Variants in HYI observed in about 807,000 individuals in gnomAD.
HYI encodes the protein hydroxypyruvate isomerase (putative).
HYI carries 47 observed loss-of-function variants against 39.7 expected under a neutral mutation model. That is an observed-to-expected ratio of 1.18 (90% CI 0.94 to 1.51). The LOEUF (loss-of-function observed/expected upper bound fraction) is 1.51, where lower values mean the gene tolerates loss of function less well. Ranked by LOEUF, HYI falls within the 40% of genes most tolerant of loss-of-function variation. The probability of loss-of-function intolerance (pLI) is 0.00; values close to 1 mark genes in which losing one functional copy is unlikely to be tolerated. For missense variants in HYI, 465 were observed against 370.3 expected, an observed-to-expected ratio of 1.26 and a Z score of -2.10; for synonymous variants, 186 against 158.8, an observed-to-expected ratio of 1.17 and a Z score of -1.29.
At chr1:43,451,627 G>A (rs369456885) in intron 6 of HYI, 21 bp downstream of exon 6, 118 of 1,613,950 alleles carry the variant, frequency 7.3e-5, no homozygotes, top group Middle Eastern at 1.6e-4. Flanking sequence ...AGGGTGGGAG[G>A]GCAAAGGAAG....
At position 43,453,375 on chromosome 1, in the gene HYI, G is replaced by A. The variant is rs1458794344; in HGVS notation, c.311+11C>T. 3 of 1,485,466 alleles carry A rather than the reference G, an allele frequency of 2.0e-6. No homozygotes were observed. The highest frequency in any genetic ancestry group is 2.7e-6 in the Non-Finnish European group (3 of 1,092,446). 92.0% of individuals were successfully genotyped at this position (1,485,466 alleles called of 1,614,324 possible). A position where few individuals can be genotyped will look rare whatever the true frequency, so the allele number is the denominator to read the frequency against. On this transcript the variant is annotated intron_variant, in intron 2 of 7. Transcript: ENST00000372430. The stretch of plus-strand genomic sequence containing the variant: ...GGGTCACAGGGGTGGGGGTGGGGTG[G>A]AGCGGGGTACCTGGGACAGCCCAGG...
downstream of HYI, chr1:43,450,740 T>A: frequency 1.4e-6 from 1 of 701,458 alleles, no homozygotes. The surrounding 1 kb of genome is among the most constrained non-coding windows in gnomAD (Gnocchi z 4.3). Context: ...CTTGGGCCCT[T>A]CTGGGGTACT....
At position 43,453,757 on chromosome 1, in the gene HYI, G is replaced by A. The variant is rs374100616; in HGVS notation, c.37C>T (p.Leu13=). ...PLRFSANLSW[L]FPELSGLPAR... ...GGGAGGCCGGAGAGCTCGGGGAATA[G>A]CCAGGACAGATTGGCGGAGAAGCGC... Residue 13 remains leucine, a synonymous_variant, in exon 1 of 8, where the codon CTA becomes TTA. Transcript: ENST00000372430. 1.5e-6 allele frequency: 2 copies of A among 1,324,410 alleles called. No individual in the cohort carries two copies. Among genetic ancestry groups the A allele is most frequent in the Non-Finnish European group, 1.9e-6 (2 of 1,044,280 alleles). The allele number at this position is 1,324,410 out of a possible 1,614,324, so 82.0% of individuals were successfully genotyped here. A position where few individuals can be genotyped will look rare whatever the true frequency, so the allele number is the denominator to read the frequency against.
In HYI at chr1:43,452,316, G is replaced by A. The variant is rs1191573722; in HGVS notation, c.315C>T (p.Ile105=). 6.2e-7 allele frequency: 1 copy of A among 1,612,960 alleles called. No homozygotes were observed. The change falls in exon 3 of 8, where the codon ATC becomes ATT. Residue 105 remains isoleucine, a synonymous_variant. Transcript: ENST00000372430. ...RYAKALGCPR[I]HLMAGRVPQG... is the part of the protein sequence containing the mutation. Reference sequence around the variant, plus strand: ...GGGGTACTCGGCCAGCCATCAGGTGGATCCTGTGGGGAAGATGGACTGGAG... The same window carrying A: ...GGGGTACTCGGCCAGCCATCAGGTGAATCCTGTGGGGAAGATGGACTGGAG...
chr1:43,453,537 C>G, intron 1 of HYI, 40 bp from the exon 2 acceptor site: 4 of 1,524,000 alleles, frequency 2.6e-6, no homozygotes, highest in Middle Eastern at 1.7e-4. Context: ...CTCGGACACT[C>G]CCCTGCCCGC....
rs1445182002 is a variant in HYI at position 43,451,508 on chromosome 1, T to TC, written c.661dup (p.Glu221GlyfsTer20). On this transcript the variant is annotated frameshift_variant, in exon 7 of 8. Coordinates refer to ENST00000372430, the MANE Select transcript of HYI (RefSeq NM_001190880.3). LOFTEE classifies it high-confidence loss of function. ...ATTCAGCTCTCCGGGGCTGCTGGGC[T>TC]CCCCTCGGCCTGGGACCTGTGCCAC... The TC allele has an allele frequency of 6.2e-7, 1 of 1,614,036 alleles. No homozygotes were observed.
intron 2 of HYI, chr1:43,452,553 C>G (rs1656560145): frequency 1.6e-6 from 1 of 629,722 alleles, no homozygotes; most frequent in African/African-American, 1.8e-5. Flanking sequence ...CCAGTACTTT[C>G]CAAAACCTTT....
intron 4 of HYI, 33 bp from the exon 5 acceptor site, chr1:43,451,880 C>T: frequency 6.2e-6 from 10 of 1,614,052 alleles, no homozygotes; most frequent in Non-Finnish European, 8.5e-6. Flanking sequence ...GACCGTGAGC[C>T]TCAAGAGCAC....
Position 43,451,342 on chromosome 1 carries a change from G to C in HYI, c.761-31C>G, listed in dbSNP as rs1336243241. On this transcript the variant is annotated intron_variant, in intron 7 of 7. Transcript: ENST00000372430. ...GGGAGAGGGAGGCCTCGGCACCTCA[G>C]CCCACAAGGAGAAAACAGCCCCTGT... 6 of 1,612,842 alleles carry C rather than the reference G, an allele frequency of 3.7e-6. No homozygotes were observed. In the Admixed American group the frequency reaches 5.0e-5, roughly 13 times the overall value.
rs1656517653 is a variant in HYI, at chr1:43,452,237, T to A, written c.394A>T (p.Asn132Tyr). 1 of 1,613,902 alleles carries A rather than the reference T, an allele frequency of 6.2e-7. No homozygotes were observed. The highest frequency in any genetic ancestry group is 8.5e-7 in the Non-Finnish European group (1 of 1,179,912). Reference protein sequence around the residue: ...KAEMEAVFLENLRHAAGVLAQ... With the variant: ...KAEMEAVFLEYLRHAAGVLAQ... ...AAAACCCCAGCTGCATGCCTCAGGT[T>A]CTCCAGAAAAACGGCCTCCATCTCA... Residue 132 changes from asparagine (N) to tyrosine (Y), a missense_variant, in exon 3 of 8, where the codon AAC becomes TAC. Coordinates refer to ENST00000372430, the MANE Select transcript of HYI (RefSeq NM_001190880.3).
rs1479111098 is a variant in HYI at position 43,453,788 on chromosome 1, C to A, written c.6G>T (p.Ala2=). 1.6e-6 allele frequency: 2 copies of A among 1,280,148 alleles called. No individual in the cohort carries two copies. Among genetic ancestry groups the A allele is most frequent in the Non-Finnish European group, 2.0e-6 (2 of 1,016,572 alleles). 79.3% of individuals were successfully genotyped at this position (1,280,148 alleles called of 1,614,324 possible). M[A]PLRFSANLSW... ...ACAGATTGGCGGAGAAGCGCAGCGG[C>A]GCCATGCCTGGGGAGGCCGGGCCGG... The change falls in exon 1 of 8, where the codon GCG becomes GCT. Residue 2 remains alanine (A), a synonymous_variant. Transcript: ENST00000372430.
rs759113002 is a variant in HYI, at chr1:43,451,762, C to T, written c.555+36G>A. The T allele has an allele frequency of 2.5e-6, 4 of 1,613,958 alleles. No homozygotes were observed. The African/African-American group carries it at 4.0e-5, about 16-fold the overall frequency. ...ATTCCGAGACCCCGCAGGCCCCGCC[C>T]TCCTTCCGATCTGCGAAGTACCCCC... is the stretch of plus-strand genomic sequence containing the variant. On this transcript the variant is annotated intron_variant, in intron 5 of 7. Transcript: ENST00000372430.
chr1:43,451,274 G>A lies in HYI; in HGVS notation c.798C>T (p.Tyr266=), dbSNP rs769300467. The A allele has an allele frequency of 1.2e-6, 2 of 1,614,090 alleles. No individual in the cohort carries two copies. The highest frequency in any genetic ancestry group is 2.2e-5 in the South Asian group (2 of 91,084). Reference sequence around the variant, plus strand: ...CCTCTGGGTGGCCCCGCCTATCCCAGTATGAACGTAGCCAACTCAAGCCCT... The same window carrying A: ...CCTCTGGGTGGCCCCGCCTATCCCAATATGAACGTAGCCAACTCAAGCCCT... ...TVEGLSWLRS[Y]WDRRGHPEAG... The change falls in exon 8 of 8, where the codon TAC becomes TAT. Residue 266 remains tyrosine (Y), a synonymous_variant. Transcript: ENST00000372430.
rs112102534 is a variant in HYI at position 43,453,696 on chromosome 1, T to A, written c.98A>T (p.Glu33Val). 1.4e-6 allele frequency: 2 copies of A among 1,437,868 alleles called. No homozygotes were observed. The highest frequency in any genetic ancestry group is 1.8e-6 in the Non-Finnish European group (2 of 1,105,620). 89.1% of individuals were successfully genotyped at this position (1,437,868 alleles called of 1,614,324 possible). The change falls in exon 1 of 8, where the codon GAG becomes GTG. Residue 33 changes from glutamate (E) to valine (V), a missense_variant. Glu to Val is a moderately radical substitution (Grantham distance 121). Transcript: ENST00000372430. ...RVRAAGSSGFEAVEVAWPYAE... is the reference protein window; with the variant it reads ...RVRAAGSSGFVAVEVAWPYAE... Reference sequence around the variant, plus strand: ...GTACGGCCAGGCCACCTCGACGGCCTCGAAGCCCGAGCTGCCCGCGGCCCG... The same window carrying A: ...GTACGGCCAGGCCACCTCGACGGCCACGAAGCCCGAGCTGCCCGCGGCCCG...
chr1:43,453,066 G>A (rs1656615361), intron 2 of HYI: 1 of 991,628 alleles, frequency 1.0e-6, no homozygotes. Context: ...ACAGGGTTAG[G>A]TGCCTACCCT....
intron 3 of HYI, 57 bp from the exon 4 acceptor site, chr1:43,452,070 G>T: frequency 6.4e-7 from 1 of 1,555,308 alleles, no homozygotes; most frequent in Non-Finnish European, 8.8e-7. Flanking sequence ...TCCCCCATCA[G>T]TCAGTCACTG....
intron 2 of HYI, chr1:43,453,069 C>G: frequency 1.0e-6 from 1 of 962,990 alleles, no homozygotes; most frequent in Admixed American, 2.0e-5. Flanking sequence ...GGGTTAGGTG[C>G]CTACCCTGCT....
Position 43,453,382 on chromosome 1 carries a change from G to A in HYI, c.311+4C>T. 4.5e-6 allele frequency: 7 copies of A among 1,540,528 alleles called. No homozygotes were observed. Among genetic ancestry groups the A allele is most frequent in the Admixed American group, 2.0e-5 (1 of 51,182 alleles). ...AGGGGTGGGGGTGGGGTGGAGCGGGGTACCTGGGACAGCCCAGGGCTTTGG... is the reference window on the plus strand; with the variant it reads ...AGGGGTGGGGGTGGGGTGGAGCGGGATACCTGGGACAGCCCAGGGCTTTGG... On this transcript the variant is annotated splice_donor_region_variant and intron_variant, in intron 2 of 7. Transcript: ENST00000372430.
chr1:43,451,384 C>G (rs765597580), intron 7 of HYI, 26 bp downstream of exon 7: 1 of 1,611,932 alleles, frequency 6.2e-7, no homozygotes. Context: ...CCCTCCAGAG[C>G]TCCCTTCCCC....
Sources: gnomAD v4.1 joint callset for allele counts on GRCh38, gnomAD v4.1.1 for gene constraint, Gnocchi (gnomAD v3.1) non-coding constraint, MANE v1.5 for transcripts, NCBI Gene and HGNC (gene_info 2026-07-23, HGNC 2026-07-21) for gene names.